The following HNF1B variants were observed in gnomAD, a reference collection of about 807,000 sequenced individuals.
The protein encoded by HNF1B is HNF1 homeobox B, also known as hepatocyte nuclear factor 1-beta.
Under a neutral mutation model 61.7 loss-of-function variants are expected in HNF1B, and 8 were observed. That is an observed-to-expected ratio of 0.13 (90% CI 0.08 to 0.23). The LOEUF (loss-of-function observed/expected upper bound fraction) is 0.23. Among genes scored for constraint, HNF1B ranks in the 10% least tolerant of loss-of-function variants. The pLI is 1.00. For synonymous variants in HNF1B, 314 were observed against 287.7 expected (o/e 1.09, Z -0.93); for missense variants, 562 against 714.5 (o/e 0.79, Z 2.43).
At chr17:37,729,674 A>G (rs1015720901) in intron 4 of HNF1B, 2 of 152,276 alleles carry the variant, frequency 1.3e-5, no homozygotes, top group African/African-American at 4.8e-5. Flanking sequence ...TCACTAGCAT[A>G]TTCCCAGGAC....
intron 8 of HNF1B, among the ~76,000 whole-genome samples, chr17:37,689,827 C>T (rs1005039923): frequency 4.6e-5 from 7 of 152,186 alleles, no homozygotes; most frequent in South Asian, 4.1e-4. Context: ...GTTCTTACGT[C>T]GACCCTTTGA....
In HNF1B at chr17:37,690,174, G is replaced by A. The variant is rs138987701; in HGVS notation, c.1654-2782C>T. ...TGAAATGGTAACATTTGAGCTGAAT[G>A]AAGTGAAGGGGCAAGCATGTAAAAA... On this transcript the variant is annotated intron_variant, in intron 8 of 8. Transcript: ENST00000617811. Among the ~76,000 whole-genome samples the A allele has an allele frequency of 1.1e-3, 174 of 152,304 alleles. 1 individual carries two copies. Among genetic ancestry groups the A allele is most frequent in the African/African-American group, 4.0e-3 (166 of 41,558 alleles).
At chr17:37,726,246 C>CA (rs1327922302) in intron 4 of HNF1B, among the ~76,000 whole-genome samples, 1 of 152,116 alleles carries the variant, frequency 6.6e-6, no homozygotes, top group Non-Finnish European at 1.5e-5. Context: ...CAGTGTGCAA[C>CA]AGCTCAAAAC....
At chr17:37,713,158 TGA>T (rs2032992039) in intron 4 of HNF1B, among the ~76,000 whole-genome samples, 1 of 152,134 alleles carries the variant, frequency 6.6e-6, no homozygotes, top group Non-Finnish European at 1.5e-5. Context: ...GCTCTGCTCC[TGA>T]GAGAGTGTTG....
Position 37,694,489 on chromosome 17 carries a change from C to T in HNF1B, c.1653+4587G>A, listed in dbSNP as rs113540452. Among the ~76,000 whole-genome samples, 494 of 131,804 alleles carry T rather than the reference C, an allele frequency of 3.7e-3. 2 individuals are homozygous for T. Among genetic ancestry groups the T allele is most frequent in the African/African-American group, 0.013 (445 of 33,908 alleles). The allele number at this position is 131,804 out of a possible 152,430, so 86.5% of individuals were successfully genotyped here. ...AAGATACTTGAAGATGTGGAAGCAG[C>T]TTTGGCAATGGGTAACAGGCAGAGA... On this transcript the variant is annotated intron_variant, in intron 8 of 8. Coordinates refer to ENST00000617811, the MANE Select transcript of HNF1B (RefSeq NM_000458.4).
intron 8 of HNF1B, among the ~76,000 whole-genome samples, chr17:37,688,746 A>T (rs1230564110): frequency 6.6e-6 from 1 of 152,222 alleles, no homozygotes; most frequent in African/African-American, 2.4e-5. Flanking sequence ...TTGTGTGATT[A>T]GATGAGTCAA....
In HNF1B at chr17:37,705,396, T is replaced by C. The variant is rs140274198; in HGVS notation, c.1207-347A>G. On this transcript the variant is annotated intron_variant, in intron 5 of 8. Coordinates refer to ENST00000617811, the MANE Select transcript of HNF1B (RefSeq NM_000458.4). ...ATAGAGCAGTAAGTAAAACAGACAG[T>C]GATCCCTGCCCTCATGGTGCATCTA... Among the ~76,000 whole-genome samples, 8 of 152,352 alleles carry C rather than the reference T, an allele frequency of 5.3e-5. No individual in the cohort carries two copies. The East Asian group carries it at 7.7e-4, about 15-fold the overall frequency.
chr17:37,686,952 T>G lies in HNF1B; in HGVS notation c.*420A>C. Reference sequence around the variant, plus strand: ...TTTGGGATGGGGGCAGGGGAGGGAGTCTGTGGATATTTACAGTGTGTTTGG... The same window carrying G: ...TTTGGGATGGGGGCAGGGGAGGGAGGCTGTGGATATTTACAGTGTGTTTGG... On this transcript the variant is annotated 3_prime_UTR_variant, in exon 9 of 9. Coordinates refer to ENST00000617811, the MANE Select transcript of HNF1B (RefSeq NM_000458.4). 2 of 370,200 alleles carry G rather than the reference T, an allele frequency of 5.4e-6. No homozygotes were observed. Among genetic ancestry groups the G allele is most frequent in the Admixed American group, 3.9e-5 (1 of 25,550 alleles). 22.9% of individuals were successfully genotyped at this position (370,200 alleles called of 1,614,324 possible).
chr17:37,737,020 A>G (rs2033851580), intron 2 of HNF1B, among the ~76,000 whole-genome samples: 1 of 152,216 alleles, frequency 6.6e-6, no homozygotes, highest in Admixed American at 6.5e-5. Flanking sequence ...GCCTCTTTAT[A>G]GGCTTGGGGG....
intron 6 of HNF1B, 115 bp from the exon 7 acceptor site, chr17:37,701,292 T>C (rs2074429): frequency 0.22 from 216,722 of 977,120 alleles, 26,096 homozygotes; most frequent in East Asian, 0.39. Flanking sequence ...GCCTGTTACA[T>C]AGGAGATTCC....
chr17:37,715,642 T>C (rs780462961), intron 4 of HNF1B, among the ~76,000 whole-genome samples: 1 of 152,214 alleles, frequency 6.6e-6, no homozygotes, highest in African/African-American at 2.4e-5. Context: ...CCATGCAATA[T>C]GGAGTCACAT....
chr17:37,709,456 T>C (rs1345273614), intron 5 of HNF1B, among the ~76,000 whole-genome samples: 1 of 151,964 alleles, frequency 6.6e-6, no homozygotes, highest in East Asian at 1.9e-4. Context: ...TGTTTCGCCC[T>C]GTTGTCCAGG....
intron 8 of HNF1B, among the ~76,000 whole-genome samples, chr17:37,690,725 C>T (rs1568631103): frequency 1.3e-5 from 2 of 152,194 alleles, no homozygotes; most frequent in Non-Finnish European, 2.9e-5. Context: ...ATGGGGGAAG[C>T]AATTTTGATA....
chr17:37,706,318 G>A (rs572892417), intron 5 of HNF1B, among the ~76,000 whole-genome samples: 82 of 151,982 alleles, frequency 5.4e-4, no homozygotes, highest in Non-Finnish European at 9.9e-4. Flanking sequence ...TCTGAACCCA[G>A]GCGTGCTTGA....
rs1177876259 is a variant in HNF1B, at chr17:37,701,064, G to A, written c.1453C>T (p.Pro485Ser). The change falls in exon 7 of 9, where the codon CCC becomes TCC. Residue 485 changes from proline (P) to serine (S), a missense_variant. Physicochemically the swap from Pro to Ser is moderately conservative, Grantham distance 74. This residue lies in a region of HNF1B where 64 missense variants were observed against 96.9 expected (regional missense o/e 0.66). Coordinates refer to ENST00000617811, the MANE Select transcript of HNF1B (RefSeq NM_000458.4). ...CTGCCTGGGCTCTGCTGCATGAGGG[G>A]CTGCTGGTGAGGGCTGTGCAGCTGC... ...SQQLHSPHQQ[P>S]LMQQSPGSHM... is the part of the protein sequence containing the mutation. The A allele has an allele frequency of 4.5e-6, 7 of 1,554,980 alleles. No individual in the cohort carries two copies. The South Asian group carries it at 4.7e-5, about 11-fold the overall frequency.
intron 4 of HNF1B, among the ~76,000 whole-genome samples, chr17:37,712,879 GA>G (rs1377599746): frequency 6.6e-6 from 1 of 152,168 alleles, no homozygotes; most frequent in Non-Finnish European, 1.5e-5. Context: ...GCTGGTACAG[GA>G]ATGGACCCCA....
chr17:37,688,380 A>ACACACAC (rs2032055093), intron 8 of HNF1B, among the ~76,000 whole-genome samples: 14 of 136,178 alleles, frequency 1.0e-4, no homozygotes, highest in Non-Finnish European at 1.3e-4. Flanking sequence ...GATCCCCCCA[A>ACACACAC]ACACACACAC....
chr17:37,716,489 G>A (rs1287842316), intron 4 of HNF1B, among the ~76,000 whole-genome samples: 1 of 152,208 alleles, frequency 6.6e-6, no homozygotes, highest in African/African-American at 2.4e-5. Context: ...ATGAGCCACT[G>A]CGCCCGGCCT....
At chr17:37,729,342 A>C (rs2033611537) in intron 4 of HNF1B, 1 of 149,996 alleles carries the variant, frequency 6.7e-6, no homozygotes, top group Non-Finnish European at 1.5e-5. Flanking sequence ...CTAAGACAGG[A>C]GGACTGCTTG....
Sources: allele counts gnomAD v4.1 joint callset (sites outside exome capture counted in the v4.1 genomes callset), GRCh38; gene constraint gnomAD v4.1.1; regional missense constraint gnomAD v4.1.1; transcripts MANE v1.5; gene names NCBI Gene and HGNC (gene_info 2026-07-23, HGNC 2026-07-21).